The following TULP3 variants were observed in gnomAD, a reference collection of about 807,000 sequenced individuals.
TULP3 encodes the protein TUB like protein 3.
A neutral mutation model predicts 50.7 loss-of-function variants in TULP3; 38 were observed. That is an observed-to-expected ratio of 0.75 (90% confidence interval 0.58 to 0.98). The LOEUF is 0.98. Among genes scored for constraint, TULP3 ranks in the 50% least tolerant of loss-of-function variants. The probability of loss-of-function intolerance (pLI) is 0.00; values close to 1 mark genes in which losing one functional copy is unlikely to be tolerated. For missense variants in TULP3, 550 were observed against 568.0 expected (o/e 0.97, Z 0.32); for synonymous variants, 183 against 196.6 (o/e 0.93, Z 0.58).
Position 2,940,424 on chromosome 12 carries a change from G to A in TULP3, c.*980G>A. The A allele has an allele frequency of 6.8e-7, 1 of 1,464,560 alleles. No homozygotes were observed. Among genetic ancestry groups the A allele is most frequent in the Non-Finnish European group, 9.0e-7 (1 of 1,109,370 alleles). The allele number at this position is 1,464,560 out of a possible 1,614,324, so 90.7% of individuals were successfully genotyped here. ...GGCAGAGCTGTGGACTTTCTTCTCG[G>A]CTCCCTCAACCCTGGCTCAGGCACA... is the stretch of plus-strand genomic sequence containing the variant. On this transcript the variant is annotated 3_prime_UTR_variant, in exon 11 of 11. Transcript: ENST00000448120.
At chr12:2,908,927 A>AAG (rs2098183919) in intron 1 of TULP3, among the ~76,000 whole-genome samples, 1 of 152,200 alleles carries the variant, frequency 6.6e-6, no homozygotes, top group Non-Finnish European at 1.5e-5. Context: ...AAGTTTAGTG[A>AAG]AATGCCCAGA....
chr12:2,900,467 G>A (rs927373732), intron 1 of TULP3, among the ~76,000 whole-genome samples: 3 of 152,140 alleles, frequency 2.0e-5, no homozygotes, highest in African/African-American at 7.2e-5. Flanking sequence ...ATCGGTGACT[G>A]GGTCTATGAA....
chr12:2,930,479 A>G, intron 5 of TULP3, 134 bp downstream of exon 5: 2 of 581,878 alleles, frequency 3.4e-6, no homozygotes, highest in Non-Finnish European at 5.7e-6. Context: ...GCTGGAGTGC[A>G]GTGGCATGAT....
intron 1 of TULP3, among the ~76,000 whole-genome samples, chr12:2,903,520 CCA>C (rs920195453): frequency 3.0e-4 from 45 of 151,096 alleles, no homozygotes; most frequent in African/African-American, 9.2e-4. Flanking sequence ...CAAGATCACG[CCA>C]CTGCACTGCA....
At chr12:2,930,490 C>A (rs1218831103) in intron 5 of TULP3, 145 bp downstream of exon 5, 2 of 547,684 alleles carry the variant, frequency 3.7e-6, no homozygotes, top group East Asian at 6.7e-5. Context: ...GTGGCATGAT[C>A]TCAGCTCACT....
rs145289428 is a variant in TULP3 at position 2,930,346 on chromosome 12, G to A, written c.492+1G>A. The stretch of plus-strand genomic sequence containing the variant: ...TTCTGCATCAAGCCAGAATTCAACC[G>A]TATGTAGTTCTGAAACTTCTTCCAT... On this transcript the variant is annotated splice_donor_variant, in intron 5 of 10. Coordinates refer to ENST00000448120, the MANE Select transcript of TULP3 (RefSeq NM_003324.5). LOFTEE classifies it high-confidence loss of function. The A allele has an allele frequency of 1.7e-4, 266 of 1,603,324 alleles. 1 individual carries two copies. The highest frequency in any genetic ancestry group is 8.4e-4 in the South Asian group (75 of 89,742).
chr12:2,923,404 C>T (rs1268992167), intron 4 of TULP3, among the ~76,000 whole-genome samples: 2 of 151,880 alleles, frequency 1.3e-5, no homozygotes, highest in Admixed American at 6.6e-5. Flanking sequence ...CCTATAATTC[C>T]AGCACTTTGG....
chr12:2,935,102 C>G (rs1489409789), intron 8 of TULP3, among the ~76,000 whole-genome samples: 1 of 152,212 alleles, frequency 6.6e-6, no homozygotes, highest in Non-Finnish European at 1.5e-5. Flanking sequence ...AGTTGATCCT[C>G]CTGTTCTGCT....
chr12:2,922,170 A>T, intron 3 of TULP3, 92 bp from the exon 4 acceptor site: 1 of 1,404,374 alleles, frequency 7.1e-7, no homozygotes, highest in Non-Finnish European at 9.7e-7. Context: ...ATGATTTGGT[A>T]GTTCTTAATT....
chr12:2,904,298 C>G (rs1027071504), intron 1 of TULP3, among the ~76,000 whole-genome samples: 2 of 152,016 alleles, frequency 1.3e-5, no homozygotes, highest in Non-Finnish European at 2.9e-5. Context: ...GTTGTAAGGC[C>G]TTGTAGTTAT....
intron 1 of TULP3, among the ~76,000 whole-genome samples, chr12:2,900,779 G>T (rs1286229604): frequency 6.6e-6 from 1 of 150,630 alleles, no homozygotes; most frequent in African/African-American, 2.4e-5. Flanking sequence ...GGAGTGTGGC[G>T]GTGTGACGAT....
At chr12:2,913,203 G>T (rs2098186641) in intron 2 of TULP3, among the ~76,000 whole-genome samples, 1 of 147,720 alleles carries the variant, frequency 6.8e-6, no homozygotes, top group South Asian at 2.1e-4. Context: ...TGTTGAGTTT[G>T]TGTGTGTGTG....
intron 1 of TULP3, among the ~76,000 whole-genome samples, chr12:2,897,552 C>G (rs1017172575): frequency 6.6e-6 from 1 of 152,026 alleles, no homozygotes; most frequent in Non-Finnish European, 1.5e-5. Flanking sequence ...AAGGAGATCA[C>G]TTGAGGCCAG....
intron 1 of TULP3, among the ~76,000 whole-genome samples, chr12:2,901,038 G>A (rs970242138): frequency 6.6e-6 from 1 of 151,828 alleles, no homozygotes; most frequent in South Asian, 2.1e-4. Context: ...CTTACCTAAT[G>A]ACTAATCATA....
At chr12:2,912,626 C>G (rs1237448041) in intron 2 of TULP3, among the ~76,000 whole-genome samples, 3 of 152,090 alleles carry the variant, frequency 2.0e-5, no homozygotes, top group Non-Finnish European at 4.4e-5. Context: ...ATCAGTCTCC[C>G]GAGGATTGGT....
Position 2,939,586 on chromosome 12 carries a change from C to T in TULP3, c.*142C>T. On this transcript the variant is annotated 3_prime_UTR_variant, in exon 11 of 11. Coordinates refer to ENST00000448120, the MANE Select transcript of TULP3 (RefSeq NM_003324.5). This position sits in a 1 kb window ranked among gnomAD's most constrained non-coding sequence, Gnocchi z 4.0. Reference sequence around the variant, plus strand: ...GATCTCTGAATATATAAAACACACACACAAAGAGCAATAGTTTGCCCCTTT... The same window carrying T: ...GATCTCTGAATATATAAAACACACATACAAAGAGCAATAGTTTGCCCCTTT... 3.2e-6 allele frequency: 4 copies of T among 1,234,078 alleles called. No individual in the cohort carries two copies. The South Asian group carries it at 6.6e-5, about 20-fold the overall frequency. 76.4% of individuals were successfully genotyped at this position (1,234,078 alleles called of 1,614,324 possible). A position where few individuals can be genotyped will look rare whatever the true frequency, so the allele number is the denominator to read the frequency against.
At chr12:2,891,058 C>T in intron 1 of TULP3, 70 bp downstream of exon 1, 3 of 1,445,740 alleles carry the variant, frequency 2.1e-6, no homozygotes, top group Non-Finnish European at 2.7e-6. Context: ...CGGAGGTCCT[C>T]TCCGGGAGCC....
At chr12:2,913,035 G>A (rs923560915) in intron 2 of TULP3, among the ~76,000 whole-genome samples, 9 of 150,600 alleles carry the variant, frequency 6.0e-5, no homozygotes, top group African/African-American at 2.0e-4. Flanking sequence ...GCAGTGGCAC[G>A]ATCTCGGCTC....
intron 5 of TULP3, among the ~76,000 whole-genome samples, chr12:2,930,700 G>A (rs912535056): frequency 6.6e-6 from 1 of 152,126 alleles, no homozygotes; most frequent in African/African-American, 2.4e-5. Context: ...TGGGATTACA[G>A]GCATGAGCCA....
Sources: gnomAD v4.1 joint callset for allele counts (sites outside exome capture counted in the v4.1 genomes callset) on GRCh38, gnomAD v4.1.1 for gene constraint, Gnocchi (gnomAD v3.1) non-coding constraint, MANE v1.5 for transcripts, NCBI Gene and HGNC (gene_info 2026-07-23, HGNC 2026-07-21) for gene names.